Variants in CYRIB observed in about 807,000 individuals in gnomAD.
CYRIB encodes the protein CYFIP related Rac1 interactor B.
CYRIB carries 8 observed loss-of-function variants against 44.2 expected under a neutral mutation model. That is an observed-to-expected ratio of 0.18 (90% CI 0.11 to 0.33). The LOEUF (loss-of-function observed/expected upper bound fraction) is 0.33, where lower values mean the gene tolerates loss of function less well. Among genes scored for constraint, CYRIB ranks in the 10% least tolerant of loss-of-function variants. The pLI, the probability that CYRIB is intolerant of heterozygous loss-of-function variation, is 1.00. For missense variants in CYRIB, 185 were observed against 382.8 expected, an observed-to-expected ratio of 0.48 and a Z score of 4.31; for synonymous variants, 131 against 127.2, an observed-to-expected ratio of 1.03 and a Z score of -0.20.
chr8:129,873,388 C>T (rs1286545243), intron 3 of CYRIB, among the ~76,000 whole-genome samples: 1 of 151,962 alleles, frequency 6.6e-6, no homozygotes, highest in East Asian at 1.9e-4. Flanking sequence ...AAATATTTTA[C>T]ATTTAGCCAG....
chr8:129,857,518 G>A (rs2663618), intron 5 of CYRIB, among the ~76,000 whole-genome samples: 83,208 of 151,948 alleles, frequency 0.55, 23,218 homozygotes, highest in African/African-American at 0.65. Flanking sequence ...TCATACACAT[G>A]TAATTTGTGG....
chr8:129,860,083 C>T (rs1169333236), intron 5 of CYRIB, among the ~76,000 whole-genome samples: 1 of 152,200 alleles, frequency 6.6e-6, no homozygotes, highest in African/African-American at 2.4e-5. Context: ...GAAACCTTCT[C>T]CTTAGAACTG....
At chr8:129,893,382 A>G (rs533557324) in intron 2 of CYRIB, among the ~76,000 whole-genome samples, 7 of 152,192 alleles carry the variant, frequency 4.6e-5, no homozygotes, top group Non-Finnish European at 8.8e-5. Flanking sequence ...GTATGCTTTC[A>G]TAAAGAAAAA....
chr8:129,922,951 C>T (rs529198844), intron 1 of CYRIB, among the ~76,000 whole-genome samples: 4 of 151,298 alleles, frequency 2.6e-5, no homozygotes, highest in South Asian at 2.1e-4. Flanking sequence ...ATTCTCCGGC[C>T]GGGCGCGGTG....
intron 1 of CYRIB, among the ~76,000 whole-genome samples, chr8:129,921,189 G>T (rs1448008464): frequency 1.3e-5 from 2 of 152,120 alleles, no homozygotes; most frequent in African/African-American, 4.8e-5. Context: ...GCCATCATTT[G>T]TCACCTTTGC....
At chr8:129,938,483 A>C (rs1004879939) in intron 1 of CYRIB, among the ~76,000 whole-genome samples, 6 of 152,224 alleles carry the variant, frequency 3.9e-5, no homozygotes, top group African/African-American at 1.4e-4. Context: ...AAAAGGTGGC[A>C]AACTCAATAC....
chr8:129,918,552 G>T (rs2081930090), intron 1 of CYRIB, among the ~76,000 whole-genome samples: 1 of 152,216 alleles, frequency 6.6e-6, no homozygotes, highest in African/African-American at 2.4e-5. Context: ...GAAATTTAGA[G>T]AACAGGACAG....
chr8:130,006,607 C>CACACATATATGTGTATATATATATAT (rs1359122569), intron 1 of CYRIB, among the ~76,000 whole-genome samples: 1 of 7,136 alleles, frequency 1.4e-4, no homozygotes, highest in South Asian at 4.6e-3. Context: ...TATATATATA[C>CACACATATATGTGTATATATATATAT]ATATATATGT....
At chr8:129,919,297 G>A (rs10087750) in intron 1 of CYRIB, among the ~76,000 whole-genome samples, 2,525 of 152,238 alleles carry the variant, frequency 0.017, 63 homozygotes, top group African/African-American at 0.053. Context: ...GGTAGCAATA[G>A]AACAATAGAT....
At chr8:130,013,420 A>T (rs947544324) in intron 1 of CYRIB, among the ~76,000 whole-genome samples, 1 of 152,206 alleles carries the variant, frequency 6.6e-6, no homozygotes, top group Non-Finnish European at 1.5e-5. Flanking sequence ...GCCTGTTTAG[A>T]GATGAGGAAA....
rs368066755 is a variant in CYRIB at position 129,884,107 on chromosome 8, G to A, written c.-10-4636C>T. ...CATTAATTTCCTTCCATTCATTCCC[G>A]AGTTCCAGCTGTCACTTCTCTCAGT... On this transcript the variant is annotated intron_variant, in intron 2 of 11. Transcript: ENST00000519824. 6.6e-5 allele frequency among the ~76,000 whole-genome samples: 10 copies of A among 151,990 alleles called. No homozygotes were observed. The East Asian group carries it at 7.7e-4, about 12-fold the overall frequency.
chr8:129,969,629 A>G (rs759715316), intron 2 of CYRIB, among the ~76,000 whole-genome samples: 1 of 152,188 alleles, frequency 6.6e-6, no homozygotes, highest in Non-Finnish European at 1.5e-5. Context: ...CAAACAAACC[A>G]TCTTTCATGA....
At chr8:129,901,564 A>G (rs1157827932) in intron 2 of CYRIB, 1 of 152,198 alleles carries the variant, frequency 6.6e-6, no homozygotes, top group Non-Finnish European at 1.5e-5. Flanking sequence ...CGCTTACTGA[A>G]GTATGATGGA....
At chr8:129,873,219 C>T (rs1452786206) in intron 3 of CYRIB, among the ~76,000 whole-genome samples, 1 of 151,706 alleles carries the variant, frequency 6.6e-6, no homozygotes, top group African/African-American at 2.4e-5. Flanking sequence ...AATACTGTGA[C>T]AAAATAATTA....
intron 7 of CYRIB, among the ~76,000 whole-genome samples, chr8:129,853,884 C>T (rs2044697539): frequency 6.6e-6 from 1 of 152,068 alleles, no homozygotes; most frequent in African/African-American, 2.4e-5. Flanking sequence ...AGATTTCTCT[C>T]CAAGAAATTA....
At chr8:129,978,501 G>A (rs2096061186) in intron 1 of CYRIB, among the ~76,000 whole-genome samples, 1 of 152,146 alleles carries the variant, frequency 6.6e-6, no homozygotes, top group Non-Finnish European at 1.5e-5. Flanking sequence ...ATCTCCCCAG[G>A]CATGTGCCAG....
At chr8:129,841,537 G>A (rs1386699138) in exon 12 of CYRIB, 2 of 152,534 alleles carry the variant, frequency 1.3e-5, no homozygotes. Flanking sequence ...ACATGCATAC[G>A]TAATATTCTA....
chr8:129,924,109 CAAAA>C (rs3076956), intron 1 of CYRIB, among the ~76,000 whole-genome samples: 10 of 115,916 alleles, frequency 8.6e-5, no homozygotes, highest in Non-Finnish European at 1.2e-4. Context: ...ATCTCCACCC[CAAAA>C]AAAAAAAAAA....
intron 2 of CYRIB, among the ~76,000 whole-genome samples, chr8:129,957,735 G>A (rs1471273404): frequency 6.6e-6 from 1 of 152,080 alleles, no homozygotes; most frequent in East Asian, 1.9e-4. Context: ...GGAGGCCGAA[G>A]CAGGTGGATC....
Sources: allele counts gnomAD v4.1 joint callset (sites outside exome capture counted in the v4.1 genomes callset), GRCh38; gene constraint gnomAD v4.1.1; transcripts MANE v1.5; gene names NCBI Gene and HGNC (gene_info 2026-07-23, HGNC 2026-07-21).